SLU7: variants seen among roughly 807,000 people sequenced by gnomAD.
SLU7 encodes the protein spliceosome associated SLU7, also known as pre-mRNA-splicing factor SLU7.
In SLU7, 60 loss-of-function variants were observed where a neutral mutation model predicts 87.0. That is an observed-to-expected ratio of 0.69 (90% CI 0.56 to 0.86). The LOEUF is 0.86. Among genes scored for constraint, SLU7 ranks in the 40% least tolerant of loss-of-function variants. The pLI is 0.00. For synonymous variants in SLU7, 197 were observed against 222.0 expected, an observed-to-expected ratio of 0.89 and a Z score of 1.00; for missense variants, 507 against 686.6, an observed-to-expected ratio of 0.74 and a Z score of 2.92.
rs1338758796 is a variant in SLU7, at chr5:160,408,706, T to A, written c.640-9A>T. The A allele has an allele frequency of 1.3e-6, 2 of 1,507,778 alleles. No homozygotes were observed. The highest frequency in any genetic ancestry group is 1.3e-5 in the South Asian group (1 of 77,046). The allele number at this position is 1,507,778 out of a possible 1,614,324, so 93.4% of individuals were successfully genotyped here. A position where few individuals can be genotyped will look rare whatever the true frequency, so the allele number is the denominator to read the frequency against. On this transcript the variant is annotated splice_polypyrimidine_tract_variant and intron_variant, in intron 6 of 15. Coordinates refer to ENST00000297151, the MANE Select transcript of SLU7 (RefSeq NM_006425.5). Reference sequence around the variant, plus strand: ...TGGTGTTTTGGAGAATTCTGCATCATGAAAGAAGAAAAATCATTCATAATC... The same window carrying A: ...TGGTGTTTTGGAGAATTCTGCATCAAGAAAGAAGAAAAATCATTCATAATC...
chr5:160,415,221 G>T lies in SLU7; in HGVS notation c.74C>A (p.Pro25Gln). 1 of 1,610,840 alleles carries T rather than the reference G, an allele frequency of 6.2e-7. No individual in the cohort carries two copies. The highest frequency in any genetic ancestry group is 8.5e-7 in the Non-Finnish European group (1 of 1,178,658). The change falls in exon 2 of 16, where the codon CCA becomes CAA. Residue 25 changes from proline to glutamine, a missense_variant. This residue lies in a region of SLU7 where 33 missense variants were observed against 37.3 expected (regional missense o/e 0.88). Coordinates refer to ENST00000297151, the MANE Select transcript of SLU7 (RefSeq NM_006425.5). ...SGSKEMSLEE[P>Q]KKMTREDWRK... ...CCAGTCCTCTCTGGTCATCTTCTTT[G>T]GTTCTTCCAAACTCATTTCTTTGGA...
In SLU7 at chr5:160,401,727, C is replaced by T. The variant is rs1413644110; in HGVS notation, c.*1558G>A. ...ACATCAGCCTTTATGTTGAACCACC[C>T]TGTTTAGGTAGGAAAATGAACATTG... On this transcript the variant is annotated 3_prime_UTR_variant, in exon 16 of 16. Transcript: ENST00000297151. 1 of 152,190 alleles carries T rather than the reference C, an allele frequency of 6.6e-6. No homozygotes were observed. The allele number at this position is 152,190 out of a possible 1,614,324, so 9.4% of individuals were successfully genotyped here. A position where few individuals can be genotyped will look rare whatever the true frequency, so the allele number is the denominator to read the frequency against.
intron 8 of SLU7, 56 bp from the exon 9 acceptor site, chr5:160,408,124 G>A: frequency 7.5e-7 from 1 of 1,325,594 alleles, no homozygotes; most frequent in East Asian, 2.3e-5. Flanking sequence ...AAAGATTTCA[G>A]CAGACTAGTT....
intron 2 of SLU7, among the ~76,000 whole-genome samples, chr5:160,414,729 A>C (rs1333670036): frequency 1.3e-5 from 2 of 152,206 alleles, no homozygotes; most frequent in Non-Finnish European, 2.9e-5. Context: ...AGAGGAAGGA[A>C]AATAGAGATG....
At chr5:160,417,965 GTAGTTCCTC>G (rs971175976) in intron 1 of SLU7, among the ~76,000 whole-genome samples, 1 of 151,990 alleles carries the variant, frequency 6.6e-6, no homozygotes, top group African/African-American at 2.4e-5. Context: ...AGACCTTCTT[GTAGTTCCTC>G]TAGTTCCTCT....
intron 6 of SLU7, among the ~76,000 whole-genome samples, chr5:160,409,593 TATC>T: frequency 6.6e-6 from 1 of 152,312 alleles, no homozygotes; most frequent in South Asian, 2.1e-4. Flanking sequence ...GTTATCCTAG[TATC>T]ATGTCAATTA....
chr5:160,410,330 T>C (rs1765179187), intron 6 of SLU7, among the ~76,000 whole-genome samples: 1 of 152,224 alleles, frequency 6.6e-6, no homozygotes, highest in African/African-American at 2.4e-5. Context: ...GTTCCCACTA[T>C]TTGCTAGTTC....
In SLU7 at chr5:160,403,143, A is replaced by G. The variant is rs1581057593; in HGVS notation, c.*142T>C. 1.9e-6 allele frequency: 1 copy of G among 530,782 alleles called. No homozygotes were observed. Among genetic ancestry groups the G allele is most frequent in the East Asian group, 3.3e-5 (1 of 30,618 alleles). The allele number at this position is 530,782 out of a possible 1,614,324, so 32.9% of individuals were successfully genotyped here. ...GTTTCCTCAGTATGGAAAGGAGTGA[A>G]CTTACTGTGAGGCATCTGAAATATT... is the stretch of plus-strand genomic sequence containing the variant. On this transcript the variant is annotated 3_prime_UTR_variant, in exon 16 of 16. Transcript: ENST00000297151.
chr5:160,406,253 T>TA, intron 12 of SLU7: 1 of 395,084 alleles, frequency 2.5e-6, no homozygotes, highest in Non-Finnish European at 4.5e-6. Context: ...GGCAATATGT[T>TA]AAAAATTTCA....
chr5:160,410,080 T>C (rs906680495), intron 6 of SLU7, among the ~76,000 whole-genome samples: 2 of 152,084 alleles, frequency 1.3e-5, no homozygotes, highest in Non-Finnish European at 2.9e-5. Context: ...GTTGTTAAAT[T>C]AAAAAAGAAG....
At chr5:160,405,635 G>A (rs892466343) in intron 12 of SLU7, among the ~76,000 whole-genome samples, 1 of 152,150 alleles carries the variant, frequency 6.6e-6, no homozygotes, top group African/African-American at 2.4e-5. Flanking sequence ...TATGCTTTAT[G>A]ATGTTTACAA....
Position 160,407,909 on chromosome 5 carries a change from C to A in SLU7, c.917+62G>T. 1 of 1,465,584 alleles carries A rather than the reference C, an allele frequency of 6.8e-7. No individual in the cohort carries two copies. Among genetic ancestry groups the A allele is most frequent in the South Asian group, 1.1e-5 (1 of 87,478 alleles). 90.8% of individuals were successfully genotyped at this position (1,465,584 alleles called of 1,614,324 possible). On this transcript the variant is annotated intron_variant, in intron 9 of 15. Coordinates refer to ENST00000297151, the MANE Select transcript of SLU7 (RefSeq NM_006425.5). The surrounding 1 kb of genome is among the most constrained non-coding windows in gnomAD (Gnocchi z 4.2). ...AATTAAAATGAACACCATCTATGGT[C>A]AGGTCAGAAAACAATTAACTTTCTC...
intron 12 of SLU7, among the ~76,000 whole-genome samples, chr5:160,405,572 C>G (rs1336946730): frequency 1.5e-5 from 2 of 133,822 alleles, no homozygotes; most frequent in Admixed American, 7.8e-5. Context: ...TGACCCTCAA[C>G]TAAGAGAGAC....
rs948061326 is a variant in SLU7, at chr5:160,419,028, C to A, written c.-22G>T. On this transcript the variant is annotated 5_prime_UTR_variant, in exon 1 of 16. Transcript: ENST00000297151. The stretch of plus-strand genomic sequence containing the variant: ...TTCTAACAATATTTTCTTACCCAGC[C>A]CCGCCGCAGCTAGCCCCAAGTCCAT... 1 of 152,318 alleles carries A rather than the reference C, an allele frequency of 6.6e-6. No homozygotes were observed. Among genetic ancestry groups the A allele is most frequent in the Admixed American group, 6.5e-5 (1 of 15,286 alleles). 9.4% of individuals were successfully genotyped at this position (152,318 alleles called of 1,614,324 possible). A position where few individuals can be genotyped will look rare whatever the true frequency, so the allele number is the denominator to read the frequency against.
At chr5:160,409,778 C>T (rs201138051) in intron 6 of SLU7, among the ~76,000 whole-genome samples, 4 of 151,954 alleles carry the variant, frequency 2.6e-5, no homozygotes, top group East Asian at 1.9e-4. Flanking sequence ...AAGTATGTAT[C>T]GTTTCCTAAC....
chr5:160,404,622 C>A, intron 14 of SLU7, 66 bp from the exon 15 acceptor site: 3 of 1,120,146 alleles, frequency 2.7e-6, no homozygotes, highest in Non-Finnish European at 3.9e-6. Context: ...ACTACTTGGG[C>A]GGCTGAGGCA....
In SLU7 at chr5:160,404,534, T is replaced by C. The variant is rs916599366; in HGVS notation, c.1487A>G (p.Glu496Gly). 13 of 1,607,486 alleles carry C rather than the reference T, an allele frequency of 8.1e-6. No individual in the cohort carries two copies. The Middle Eastern group carries it at 5.2e-4, about 64-fold the overall frequency. Reference sequence around the variant, plus strand: ...TTTCTTTTTCTTCTTCTTCTTTTCCTCTTTCAGTTTTTCTTGATGCAGCTG... The same window carrying C: ...TTTCTTTTTCTTCTTCTTCTTTTCCCCTTTCAGTTTTTCTTGATGCAGCTG... ...LMELHQEKLK[E>G]EKKKKKKKKK... Residue 496 changes from glutamate (E) to glycine (G), a missense_variant, in exon 15 of 16, where the codon GAG becomes GGG. By Grantham distance (98) the Glu-to-Gly change is moderately conservative. Coordinates refer to ENST00000297151, the MANE Select transcript of SLU7 (RefSeq NM_006425.5).
At position 160,407,513 on chromosome 5, in the gene SLU7, T is replaced by A; in HGVS notation, c.1088A>T (p.Asp363Val). ...GCTTTCTTTCTGCTGTTCTTTGAAA[T>A]CTTCTTTTTTGACTTTGAAGGACTT... ...LYKSFKVKKE[D>V]FKEQQKESIL... Residue 363 changes from aspartate (D) to valine (V), a missense_variant, in exon 11 of 16, where the codon GAT becomes GTT. Physicochemically the swap from Asp to Val is radical, Grantham distance 152. Transcript: ENST00000297151. The surrounding 1 kb of genome is among the most constrained non-coding windows in gnomAD (Gnocchi z 4.2). The A allele has an allele frequency of 6.2e-7, 1 of 1,612,672 alleles. No individual in the cohort carries two copies.
intron 1 of SLU7, chr5:160,417,386 A>T (rs887633454): frequency 6.6e-6 from 1 of 152,062 alleles, no homozygotes; most frequent in Non-Finnish European, 1.5e-5. Context: ...GCAAATTTGA[A>T]TTAGAAAAAA....
Sources: gnomAD v4.1 joint callset for allele counts (sites outside exome capture counted in the v4.1 genomes callset) on GRCh38, gnomAD v4.1.1 for gene constraint, gnomAD v4.1.1 regional missense constraint, Gnocchi (gnomAD v3.1) non-coding constraint, MANE v1.5 for transcripts, NCBI Gene and HGNC (gene_info 2026-07-23, HGNC 2026-07-21) for gene names.